The following CCNH variants were observed in gnomAD, a reference collection of about 807,000 sequenced individuals.
The protein encoded by CCNH is cyclin H.
Under a neutral mutation model 41.9 loss-of-function variants are expected in CCNH, and 31 were observed. The ratio of observed to expected loss-of-function variants is 0.74; its 90% CI spans 0.56 to 1.00. The LOEUF (loss-of-function observed/expected upper bound fraction) is 1.00. CCNH is among the 50% of genes least tolerant of loss of function. The pLI is 0.00. For missense variants in CCNH, 362 were observed against 388.4 expected (o/e 0.93, Z 0.57); for synonymous variants, 138 against 136.1 (o/e 1.01, Z -0.10).
intron 9 of CCNH, among the ~76,000 whole-genome samples, chr5:87,341,606 A>G (rs1193204475): frequency 1.3e-5 from 2 of 152,146 alleles, no homozygotes; most frequent in Admixed American, 6.6e-5. Flanking sequence ...AATTTGGCAC[A>G]TTTTAAAATT....
chr5:87,348,308 A>G (rs186544101), intron 9 of CCNH, among the ~76,000 whole-genome samples: 156 of 152,116 alleles, frequency 1.0e-3, no homozygotes, highest in Non-Finnish European at 5.2e-4. Context: ...CCCTCAAATT[A>G]TATCTAATAA....
At chr5:87,351,177 T>C (rs1759240850) in intron 9 of CCNH, among the ~76,000 whole-genome samples, 3 of 151,016 alleles carry the variant, frequency 2.0e-5, no homozygotes, top group Admixed American at 2.0e-4. Flanking sequence ...ATATTCAGAG[T>C]TTTAAAAAAA....
chr5:87,340,232 G>C (rs62368948), intron 9 of CCNH, among the ~76,000 whole-genome samples: 6,444 of 152,138 alleles, frequency 0.042, 184 homozygotes, highest in Non-Finnish European at 0.066. Context: ...TGTCATCCCT[G>C]TTTCACAGAG....
intron 9 of CCNH, among the ~76,000 whole-genome samples, chr5:87,327,963 T>C (rs1276712210): frequency 6.6e-6 from 1 of 150,472 alleles, no homozygotes; most frequent in Admixed American, 6.6e-5. Flanking sequence ...CAAGACTCCG[T>C]TTCCCAAAAA....
intron 9 of CCNH, chr5:87,341,284 C>A: frequency 1.5e-6 from 2 of 1,341,862 alleles, no homozygotes; most frequent in Non-Finnish European, 1.9e-6. Flanking sequence ...AATGTCTTCC[C>A]TTTAGGGCCG....
At chr5:87,404,112 A>T (rs1337889067) in intron 5 of CCNH, among the ~76,000 whole-genome samples, 1 of 152,198 alleles carries the variant, frequency 6.6e-6, no homozygotes, top group African/African-American at 2.4e-5. Context: ...TCTTATTAAT[A>T]AGTATTCATG....
At chr5:87,406,375 C>A (rs543634010) in intron 4 of CCNH, among the ~76,000 whole-genome samples, 88 of 152,234 alleles carry the variant, frequency 5.8e-4, no homozygotes, top group African/African-American at 2.1e-3. Flanking sequence ...CAAAACACAA[C>A]AACAAAAAAA....
intron 9 of CCNH, among the ~76,000 whole-genome samples, chr5:87,330,680 A>T (rs969822170): frequency 6.6e-6 from 1 of 152,180 alleles, no homozygotes; most frequent in African/African-American, 2.4e-5. Context: ...TAGGTAGAAC[A>T]CAGTTAAACT....
In CCNH at chr5:87,376,821, C is replaced by T. The variant is rs1022431997; in HGVS notation, n.360G>A. The stretch of plus-strand genomic sequence containing the variant: ...GTGAAAGAACATATTTCTTGTTAGT[C>T]TCATGGAGCATGCTTATAATGCTAC... On this transcript the variant is annotated non_coding_transcript_exon_variant, in exon 1 of 1. Transcript: ENST00000607486. 8.0e-6 allele frequency: 12 copies of T among 1,490,750 alleles called. No homozygotes were observed. In the South Asian group the frequency reaches 9.1e-5, roughly 11 times the overall value. 92.3% of individuals were successfully genotyped at this position (1,490,750 alleles called of 1,614,324 possible). A position where few individuals can be genotyped will look rare whatever the true frequency, so the allele number is the denominator to read the frequency against.
rs1479761009 is a variant in CCNH, at chr5:87,346,795, ATGTGTTT to A, written c.*91-27905_*91-27899del. ...TAAAAAAGTGAACAAACCATTTATC[ATGTGTTT>A]TGCCTTTAGCATTCAGTTAGTGTTT... On this transcript the variant is annotated intron_variant and NMD_transcript_variant, in intron 9 of 9. Coordinates refer to the CCNH transcript ENST00000645953. The A allele has an allele frequency of 1.1e-5, 13 of 1,229,726 alleles. No individual in the cohort carries two copies. In the African/African-American group the frequency reaches 1.3e-4, roughly 13 times the overall value. The allele number at this position is 1,229,726 out of a possible 1,614,324, so 76.2% of individuals were successfully genotyped here.
At chr5:87,350,011 T>C (rs1346191799) in intron 9 of CCNH, among the ~76,000 whole-genome samples, 1 of 151,916 alleles carries the variant, frequency 6.6e-6, no homozygotes, top group Non-Finnish European at 1.5e-5. Flanking sequence ...CTCTATTTCC[T>C]ATTTCAGAGG....
intron 9 of CCNH, among the ~76,000 whole-genome samples, chr5:87,367,771 AAG>A (rs1760632678): frequency 1.3e-5 from 2 of 152,170 alleles, no homozygotes; most frequent in Non-Finnish European, 2.9e-5. Context: ...TATTAAATTC[AAG>A]ATTGGCAGTT....
downstream of CCNH, chr5:87,374,894 G>T: frequency 6.2e-7 from 1 of 1,607,040 alleles, no homozygotes; most frequent in South Asian, 1.1e-5. Context: ...ATAAAACAAA[G>T]AAAAGCAAAG....
At chr5:87,411,127 G>A in intron 2 of CCNH, 97 bp downstream of exon 2, 1 of 1,266,296 alleles carries the variant, frequency 7.9e-7, no homozygotes, top group Non-Finnish European at 1.1e-6. Context: ...TGTAACTAAG[G>A]TGAATTTTTA....
chr5:87,374,726 ACT>A (rs1277564280), downstream of CCNH: 66 of 1,426,786 alleles, frequency 4.6e-5, no homozygotes, highest in African/African-American at 1.2e-4. Context: ...GGTCTAGCAC[ACT>A]GTTTTTTTTT....
intron 9 of CCNH, among the ~76,000 whole-genome samples, chr5:87,323,370 A>C (rs1433365534): frequency 3.3e-5 from 5 of 152,214 alleles, no homozygotes; most frequent in African/African-American, 1.2e-4. Flanking sequence ...ATATAAGCCT[A>C]TGTATAGTAG....
At chr5:87,386,352 T>G (rs1179771017) in intron 9 of CCNH, among the ~76,000 whole-genome samples, 1 of 152,092 alleles carries the variant, frequency 6.6e-6, no homozygotes. Flanking sequence ...AGGTTTTGAA[T>G]TCATCTGAAT....
intron 9 of CCNH, among the ~76,000 whole-genome samples, chr5:87,328,923 G>T (rs993532300): frequency 5.3e-5 from 8 of 152,074 alleles, no homozygotes; most frequent in South Asian, 4.2e-4. Flanking sequence ...AAACATTTAA[G>T]GATCAAATCA....
chr5:87,392,290 A>G (rs1277454295), downstream of CCNH: 1 of 455,874 alleles, frequency 2.2e-6, no homozygotes, highest in Non-Finnish European at 4.4e-6. Context: ...CTAAGGGCTT[A>G]AAAGATGTCT....
Sources: gnomAD v4.1 joint callset for allele counts (sites outside exome capture counted in the v4.1 genomes callset) on GRCh38, gnomAD v4.1.1 for gene constraint, MANE v1.5 for transcripts, NCBI Gene and HGNC (gene_info 2026-07-23, HGNC 2026-07-21) for gene names.